Variants in SEMA6D observed in about 807,000 individuals in gnomAD.
SEMA6D encodes semaphorin-6D.
A neutral mutation model predicts 106.6 loss-of-function variants in SEMA6D; 35 were observed. The ratio of observed to expected loss-of-function variants is 0.33; its 90% CI spans 0.25 to 0.44. The LOEUF is 0.44. SEMA6D is among the 20% of genes least tolerant of loss of function. The pLI is 1.00. For missense variants in SEMA6D, 1,185 were observed against 1,345.9 expected, an observed-to-expected ratio of 0.88 and a Z score of 1.87; for synonymous variants, 499 against 487.7, an observed-to-expected ratio of 1.02 and a Z score of -0.31.
At chr15:47,281,645 A>G (rs566248704) in intron 1 of SEMA6D, among the ~76,000 whole-genome samples, 16 of 152,162 alleles carry the variant, frequency 1.1e-4, no homozygotes, top group Non-Finnish European at 2.2e-4. Flanking sequence ...ACATTTTGGC[A>G]TGATTTTGCA....
intron 1 of SEMA6D, among the ~76,000 whole-genome samples, chr15:47,348,932 T>A (rs1291476357): frequency 1.3e-5 from 2 of 151,968 alleles, no homozygotes; most frequent in East Asian, 3.9e-4. Context: ...TTACAGAAAT[T>A]AGATCCCTTC....
Position 47,772,531 on chromosome 15 carries a change from A to G in SEMA6D, c.*746A>G, listed in dbSNP as rs2082676445. 1 of 152,480 alleles carries G rather than the reference A, an allele frequency of 6.6e-6. No individual in the cohort carries two copies. Among genetic ancestry groups the G allele is most frequent in the African/African-American group, 2.4e-5 (1 of 41,402 alleles). 9.4% of individuals were successfully genotyped at this position (152,480 alleles called of 1,614,324 possible). A position where few individuals can be genotyped will look rare whatever the true frequency, so the allele number is the denominator to read the frequency against. On this transcript the variant is annotated 3_prime_UTR_variant, in exon 19 of 19. Transcript: ENST00000536845. ...GGTTCAGCTTTGAAAGAGGAATAGA[A>G]TCGAGGCTCCTTTGACCATCAAAAT...
intron 1 of SEMA6D, among the ~76,000 whole-genome samples, chr15:47,306,679 C>T (rs2036244640): frequency 6.6e-6 from 1 of 152,220 alleles, no homozygotes; most frequent in Admixed American, 6.5e-5. Flanking sequence ...CGTGCCACTG[C>T]ACTCCATCTT....
chr15:47,294,573 C>T (rs180986661), intron 1 of SEMA6D, among the ~76,000 whole-genome samples: 4 of 152,082 alleles, frequency 2.6e-5, no homozygotes, highest in African/African-American at 4.8e-5. Flanking sequence ...TTACAAAAAG[C>T]GTTTCCGTGT....
chr15:47,763,172 T>C, intron 9 of SEMA6D, 68 bp downstream of exon 9: 1 of 1,200,572 alleles, frequency 8.3e-7, no homozygotes, highest in Non-Finnish European at 1.2e-6. Flanking sequence ...TGTGATAGAG[T>C]TAAGGATGCT....
chr15:47,626,874 G>A (rs1039874113), intron 4 of SEMA6D, among the ~76,000 whole-genome samples: 3 of 152,136 alleles, frequency 2.0e-5, no homozygotes, highest in African/African-American at 7.2e-5. Flanking sequence ...GCAGTTTTGT[G>A]TGTATGGAAT....
chr15:47,458,870 A>G (rs1416624580), intron 2 of SEMA6D, among the ~76,000 whole-genome samples: 2 of 152,008 alleles, frequency 1.3e-5, no homozygotes, highest in Non-Finnish European at 2.9e-5. Context: ...CAAAACCAAA[A>G]ATAAATAAAT....
intron 1 of SEMA6D, among the ~76,000 whole-genome samples, chr15:47,325,247 C>A (rs1221933439): frequency 1.3e-5 from 2 of 151,728 alleles, no homozygotes; most frequent in Non-Finnish European, 2.9e-5. Context: ...CATCTCGGCT[C>A]ACTGCAACCT....
intron 3 of SEMA6D, among the ~76,000 whole-genome samples, chr15:47,563,301 G>T (rs949519833): frequency 6.6e-5 from 10 of 152,122 alleles, no homozygotes; most frequent in Non-Finnish European, 1.5e-5. Flanking sequence ...TCACTGAAGT[G>T]TAAACTTTTA....
At chr15:47,394,969 C>T (rs2040163896) in intron 1 of SEMA6D, among the ~76,000 whole-genome samples, 1 of 151,910 alleles carries the variant, frequency 6.6e-6, no homozygotes, top group African/African-American at 2.4e-5. Context: ...AAGCAAACCT[C>T]ATTGTGATCT....
At chr15:47,652,070 C>T (rs1040947085) in intron 4 of SEMA6D, among the ~76,000 whole-genome samples, 2 of 152,240 alleles carry the variant, frequency 1.3e-5, no homozygotes, top group East Asian at 3.9e-4. Context: ...TCATTTTTTG[C>T]CATACATAAT....
intron 1 of SEMA6D, among the ~76,000 whole-genome samples, chr15:47,350,297 C>A (rs544649489): frequency 1.3e-5 from 2 of 151,924 alleles, no homozygotes; most frequent in African/African-American, 4.8e-5. Context: ...GGCTTGCATA[C>A]ATCAGCCTCA....
In SEMA6D at chr15:47,760,371, T is replaced by G; in HGVS notation, c.177T>G (p.Phe59Leu). The change falls in exon 3 of 19, where the codon TTT becomes TTG. Residue 59 changes from phenylalanine to leucine, a missense_variant. Around this residue, in one of 3 missense-constraint regions of SEMA6D, gnomAD observed 144 missense variants for 138.6 expected, o/e 1.04. Coordinates refer to ENST00000536845, the MANE Select transcript of SEMA6D (RefSeq NM_001358351.3). ...ATGAATCGCAGCACAGGCTGGACTT[T>G]CAGCTGATGTTGAAAATTCGAGACA... The part of the protein sequence containing the change: ...SGNESQHRLD[F>L]QLMLKIRDTL... 3 of 1,613,642 alleles carry G rather than the reference T, an allele frequency of 1.9e-6. No individual in the cohort carries two copies. The highest frequency in any genetic ancestry group is 2.5e-6 in the Non-Finnish European group (3 of 1,179,670).
At chr15:47,574,860 A>C (rs996937311) in intron 3 of SEMA6D, among the ~76,000 whole-genome samples, 1 of 152,088 alleles carries the variant, frequency 6.6e-6, no homozygotes, top group Non-Finnish European at 1.5e-5. Context: ...AATAATCAAT[A>C]CTCCTAAAGT....
chr15:47,457,859 G>T (rs182578793), intron 2 of SEMA6D, among the ~76,000 whole-genome samples: 8 of 151,776 alleles, frequency 5.3e-5, no homozygotes, highest in Non-Finnish European at 7.4e-5. Context: ...TCATCAAATT[G>T]CTGAAAACCA....
At chr15:47,428,226 C>T (rs183660310) in intron 2 of SEMA6D, among the ~76,000 whole-genome samples, 11 of 152,014 alleles carry the variant, frequency 7.2e-5, no homozygotes, top group Admixed American at 3.3e-4. Flanking sequence ...TTATTTAGCA[C>T]ATATTATATA....
At chr15:47,308,826 T>C (rs945484373) in intron 1 of SEMA6D, among the ~76,000 whole-genome samples, 3 of 152,212 alleles carry the variant, frequency 2.0e-5, no homozygotes, top group Non-Finnish European at 2.9e-5. Flanking sequence ...TTTTGGACAG[T>C]AGCTAAAATC....
chr15:47,631,627 A>G (rs1190461439), intron 4 of SEMA6D, among the ~76,000 whole-genome samples: 1 of 151,874 alleles, frequency 6.6e-6, no homozygotes, highest in Non-Finnish European at 1.5e-5. Flanking sequence ...AAAAAAGGCA[A>G]TGTGAAACTG....
chr15:47,612,886 C>T (rs192403815), intron 4 of SEMA6D, among the ~76,000 whole-genome samples: 64 of 152,152 alleles, frequency 4.2e-4, no homozygotes, highest in Middle Eastern at 6.8e-3. Context: ...ACTTTTACAA[C>T]TTCTTTTCTA....
Sources: allele counts gnomAD v4.1 joint callset (sites outside exome capture counted in the v4.1 genomes callset), GRCh38; gene constraint gnomAD v4.1.1; regional missense constraint gnomAD v4.1.1; transcripts MANE v1.5; gene names NCBI Gene and HGNC (gene_info 2026-07-23, HGNC 2026-07-21).